The following CRK variants were observed in gnomAD, a reference collection of about 807,000 sequenced individuals.
CRK encodes adapter molecule crk.
In CRK, 4 loss-of-function variants were observed where a neutral mutation model predicts 29.8. That is an observed-to-expected ratio of 0.13 (90% confidence interval 0.07 to 0.31). CRK has a LOEUF of 0.31. Among genes scored for constraint, CRK ranks in the 10% least tolerant of loss-of-function variants. The probability of loss-of-function intolerance (pLI) is 1.00; values close to 1 mark genes in which losing one functional copy is unlikely to be tolerated. For synonymous variants in CRK, 153 were observed against 164.9 expected (o/e 0.93, Z 0.55); for missense variants, 274 against 396.5 (o/e 0.69, Z 2.62).
In CRK at chr17:1,427,072, A is replaced by AAAAAAAAAAAAG. The variant is rs778793991; in HGVS notation, c.778-3423_778-3422insCTTTTTTTTTTT. Among the ~76,000 whole-genome samples, 35 of 92,074 alleles carry AAAAAAAAAAAAG rather than the reference A, an allele frequency of 3.8e-4. 9 individuals carry two copies. The highest frequency in any genetic ancestry group is 6.7e-4 in the East Asian group (2 of 2,978). 60.4% of individuals were successfully genotyped at this position (92,074 alleles called of 152,430 possible). A position where few individuals can be genotyped will look rare whatever the true frequency, so the allele number is the denominator to read the frequency against. On this transcript the variant is annotated intron_variant, in intron 2 of 2. Transcript: ENST00000300574. ...AAAAAAAAAAAAAAAAAAAAAAAAA[A>AAAAAAAAAAAAG]GATTCTGACATGCCCCAGCCAGGCT...
At chr17:1,437,364 T>G (rs925478336) in intron 1 of CRK, among the ~76,000 whole-genome samples, 1 of 151,990 alleles carries the variant, frequency 6.6e-6, no homozygotes, top group African/African-American at 2.4e-5. Context: ...AATGGAGCTT[T>G]CATGCATGCC....
chr17:1,439,379 G>C (rs1011163435), intron 1 of CRK, among the ~76,000 whole-genome samples: 2 of 152,136 alleles, frequency 1.3e-5, no homozygotes, highest in Non-Finnish European at 2.9e-5. Flanking sequence ...TTGATTACAG[G>C]TGTGGGCCAC....
intron 1 of CRK, among the ~76,000 whole-genome samples, chr17:1,445,313 A>G (rs2073967387): frequency 6.6e-6 from 1 of 152,098 alleles, no homozygotes; most frequent in South Asian, 2.1e-4. Context: ...CATTTTTCAT[A>G]TTACCCAAAG....
At chr17:1,427,288 CAAAAA>C (rs761351379) in intron 2 of CRK, among the ~76,000 whole-genome samples, 2 of 79,022 alleles carry the variant, frequency 2.5e-5, no homozygotes, top group African/African-American at 4.3e-5. Context: ...ATTCTGTCTC[CAAAAA>C]AAAAAAAAAA....
rs533496225 is a variant in CRK at position 1,426,410 on chromosome 17, C to G, written c.778-2760G>C. The G allele has an allele frequency of 2.6e-5, 4 of 152,302 alleles. No individual in the cohort carries two copies. In the East Asian group the frequency reaches 7.7e-4, roughly 29 times the overall value. The allele number at this position is 152,302 out of a possible 1,614,324, so 9.4% of individuals were successfully genotyped here. A position where few individuals can be genotyped will look rare whatever the true frequency, so the allele number is the denominator to read the frequency against. On this transcript the variant is annotated intron_variant, in intron 2 of 2. Transcript: ENST00000300574. ...CACCAGGACTCTCACCACACCTGGC[C>G]TGCCAGCAATTTTAGAATTCAACGT...
intron 1 of CRK, among the ~76,000 whole-genome samples, chr17:1,451,893 G>A (rs1204952288): frequency 6.6e-6 from 1 of 152,138 alleles, no homozygotes; most frequent in Non-Finnish European, 1.5e-5. Context: ...GCTGAGGCAG[G>A]AGAATCACTT....
Position 1,423,417 on chromosome 17 carries a change from A to C in CRK, c.*96T>G. The C allele has an allele frequency of 6.9e-7, 1 of 1,444,190 alleles. No homozygotes were observed. Among genetic ancestry groups the C allele is most frequent in the South Asian group, 1.4e-5 (1 of 73,838 alleles). 89.5% of individuals were successfully genotyped at this position (1,444,190 alleles called of 1,614,324 possible). A position where few individuals can be genotyped will look rare whatever the true frequency, so the allele number is the denominator to read the frequency against. ...GTAACAGAATGCTTATATAAACTAG[A>C]CTGCTTTTGACATCTGTAAGAAAAT... On this transcript the variant is annotated 3_prime_UTR_variant, in exon 3 of 3. Transcript: ENST00000300574.
chr17:1,430,805 T>G (rs141617702), intron 2 of CRK, among the ~76,000 whole-genome samples: 3 of 150,908 alleles, frequency 2.0e-5, no homozygotes, highest in Admixed American at 6.6e-5. Context: ...CTGTGGCTCA[T>G]GCCTGTAATC....
At chr17:1,443,846 C>A (rs749962851) in intron 1 of CRK, among the ~76,000 whole-genome samples, 1 of 151,330 alleles carries the variant, frequency 6.6e-6, no homozygotes, top group Non-Finnish European at 1.5e-5. Flanking sequence ...ATTATAGGCA[C>A]CCGCCACCAC....
chr17:1,440,780 G>A (rs1277380659), intron 1 of CRK, among the ~76,000 whole-genome samples: 2 of 152,198 alleles, frequency 1.3e-5, no homozygotes, highest in African/African-American at 4.8e-5. Context: ...GTGCATGTCT[G>A]TTAGTCCCAG....
At chr17:1,433,968 G>A (rs1209240615) in intron 2 of CRK, among the ~76,000 whole-genome samples, 2 of 151,874 alleles carry the variant, frequency 1.3e-5, no homozygotes, top group Admixed American at 6.6e-5. Flanking sequence ...CGAAAGTGCT[G>A]GGATTACAGG....
intron 2 of CRK, among the ~76,000 whole-genome samples, chr17:1,426,041 AGCCAAGTGTG>A (rs1158437398): frequency 6.6e-6 from 1 of 151,656 alleles, no homozygotes; most frequent in Non-Finnish European, 1.5e-5. Flanking sequence ...AAATTTAAAA[AGCCAAGTGTG>A]GCCAAGCGTG....
At chr17:1,424,024 T>C (rs1025802407) in intron 2 of CRK, among the ~76,000 whole-genome samples, 1 of 151,456 alleles carries the variant, frequency 6.6e-6, no homozygotes, top group Non-Finnish European at 1.5e-5. Context: ...CTCAGCTTTC[T>C]GCCTGCTCCG....
intron 2 of CRK, among the ~76,000 whole-genome samples, chr17:1,431,627 G>A (rs755061642): frequency 1.2e-4 from 18 of 151,836 alleles, no homozygotes; most frequent in African/African-American, 2.9e-4. Context: ...TCACTCTGTC[G>A]CCTAGCCTGG....
intron 1 of CRK, among the ~76,000 whole-genome samples, chr17:1,441,652 C>T (rs149185642): frequency 0.014 from 2,114 of 151,994 alleles, 43 homozygotes; most frequent in African/African-American, 0.047. Flanking sequence ...CCACCACACC[C>T]GGCTAATTTT....
rs1598289288 is a variant in CRK at position 1,421,517 on chromosome 17, A to G, written c.*1996T>C. On this transcript the variant is annotated 3_prime_UTR_variant, in exon 3 of 3. Transcript: ENST00000300574. Reference sequence around the variant, plus strand: ...ACTCTGTGCATAGCACTGGGCTACCATTTTACAAGTTGAGTTTAACGTCTT... The same window carrying G: ...ACTCTGTGCATAGCACTGGGCTACCGTTTTACAAGTTGAGTTTAACGTCTT... 1.3e-5 allele frequency: 2 copies of G among 152,332 alleles called. No individual in the cohort carries two copies. Among genetic ancestry groups the G allele is most frequent in the South Asian group, 2.1e-4 (1 of 4,832 alleles). The allele number at this position is 152,332 out of a possible 1,614,324, so 9.4% of individuals were successfully genotyped here.
chr17:1,423,507 C>A lies in CRK; in HGVS notation c.*6G>T. 6.2e-7 allele frequency: 1 copy of A among 1,609,370 alleles called. No individual in the cohort carries two copies. The highest frequency in any genetic ancestry group is 2.2e-5 in the East Asian group (1 of 44,718). On this transcript the variant is annotated 3_prime_UTR_variant, in exon 3 of 3. Transcript: ENST00000300574. The stretch of plus-strand genomic sequence containing the variant: ...CCCATCTGTCAGCAAAACTGTTGAA[C>A]TATACTCAGCTGAAGTCCTCATCGG...
intron 2 of CRK, among the ~76,000 whole-genome samples, chr17:1,433,576 T>C (rs1290380837): frequency 6.9e-6 from 1 of 144,998 alleles, no homozygotes; most frequent in Admixed American, 7.2e-5. Context: ...TGAAGTGCTA[T>C]GGCACGATCT....
At position 1,423,461 on chromosome 17, in the gene CRK, A is replaced by G. The variant is rs1192783499; in HGVS notation, c.*52T>C. On this transcript the variant is annotated 3_prime_UTR_variant, in exon 3 of 3. Transcript: ENST00000300574. ...AGAAAATTGTATAGATGGCAGTTGG[A>G]AAAAAAAAAAAAAGATTGTTCCCAT... 2.7e-5 allele frequency: 8 copies of G among 301,118 alleles called. No individual in the cohort carries two copies. Among genetic ancestry groups the G allele is most frequent in the Middle Eastern group, 6.3e-4 (1 of 1,588 alleles). 18.7% of individuals were successfully genotyped at this position (301,118 alleles called of 1,614,324 possible).
Sources: gnomAD v4.1 joint callset for allele counts (sites outside exome capture counted in the v4.1 genomes callset) on GRCh38, gnomAD v4.1.1 for gene constraint, MANE v1.5 for transcripts, NCBI Gene and HGNC (gene_info 2026-07-23, HGNC 2026-07-21) for gene names.